The following RAB6C variants were observed in gnomAD, a reference collection of about 807,000 sequenced individuals.
RAB6C encodes the protein ras-related protein Rab-6C.
Under a neutral mutation model 17.2 loss-of-function variants are expected in RAB6C, and 8 were observed. That is an observed-to-expected ratio of 0.46 (90% confidence interval 0.27 to 0.84). The LOEUF (loss-of-function observed/expected upper bound fraction) is 0.84, where lower values mean the gene tolerates loss of function less well. RAB6C is among the 40% of genes least tolerant of loss of function. The pLI, the probability that RAB6C is intolerant of heterozygous loss-of-function variation, is 0.13. For missense variants in RAB6C, 151 were observed against 306.5 expected, an observed-to-expected ratio of 0.49 and a Z score of 3.79; for synonymous variants, 78 against 118.9, an observed-to-expected ratio of 0.66 and a Z score of 2.24.
In RAB6C at chr2:129,980,386, G is replaced by A; in HGVS notation, c.271G>A (p.Val91Ile). 1 of 1,612,936 alleles carries A rather than the reference G, an allele frequency of 6.2e-7. No individual in the cohort carries two copies. The highest frequency in any genetic ancestry group is 1.7e-5 in the Admixed American group (1 of 59,950). The change falls in exon 1 of 1, where the codon GTA becomes ATA. Residue 91 changes from valine to isoleucine, a missense_variant. Coordinates refer to ENST00000410061, the MANE Select transcript of RAB6C (RefSeq NM_032144.3). ...CATCCGTGATTCTGCTGCAGCTGTA[G>A]TAGTTTACGATATCACAAATGTTAA... is the stretch of plus-strand genomic sequence containing the variant. ...RYIRDSAAAV[V>I]VYDITNVNSF...
chr2:129,979,900 G>T lies in RAB6C; in HGVS notation c.-216G>T, dbSNP rs1032719777. 3.6e-6 allele frequency: 3 copies of T among 830,300 alleles called. No individual in the cohort carries two copies. Among genetic ancestry groups the T allele is most frequent in the Non-Finnish European group, 5.6e-6 (3 of 535,526 alleles). The allele number at this position is 830,300 out of a possible 1,614,324, so 51.4% of individuals were successfully genotyped here. On this transcript the variant is annotated 5_prime_UTR_variant, in exon 1 of 1. Transcript: ENST00000410061. ...CAGCCGCGGGCCTCGCTCCGTGCTCGGCTACTCTGCCGGGAGGCGGCGGCG... is the reference window on the plus strand; with the variant it reads ...CAGCCGCGGGCCTCGCTCCGTGCTCTGCTACTCTGCCGGGAGGCGGCGGCG...
Position 129,980,049 on chromosome 2 carries a change from C to T in RAB6C, c.-67C>T. On this transcript the variant is annotated 5_prime_UTR_variant, in exon 1 of 1. Coordinates refer to ENST00000410061, the MANE Select transcript of RAB6C (RefSeq NM_032144.3). ...CCCTTCCGCTCGCCTTTTTCGTCAG[C>T]CGGCTGGAGGAGCATCGGTCCGGGA... 6.2e-7 allele frequency: 1 copy of T among 1,609,306 alleles called. No homozygotes were observed. The highest frequency in any genetic ancestry group is 8.5e-7 in the Non-Finnish European group (1 of 1,177,498).
rs1294880061 is a variant in RAB6C, at chr2:129,980,453, C to T, written c.338C>T (p.Thr113Ile). 1.2e-6 allele frequency: 2 copies of T among 1,613,672 alleles called. No homozygotes were observed. The highest frequency in any genetic ancestry group is 1.3e-5 in the African/African-American group (1 of 74,674). ...QTTKWIDDVRTERGSDVIITL... is the reference protein window; with the variant it reads ...QTTKWIDDVRIERGSDVIITL... Reference sequence around the variant, plus strand: ...ACAAAGTGGATTGATGATGTCAGAACAGAAAGAGGAAGTGATGTTATCATC... The same window carrying T: ...ACAAAGTGGATTGATGATGTCAGAATAGAAAGAGGAAGTGATGTTATCATC... The change falls in exon 1 of 1, where the codon ACA becomes ATA. Residue 113 changes from threonine to isoleucine, a missense_variant. By Grantham distance (89) the Thr-to-Ile change is moderately conservative (BLOSUM62 -1). This residue lies in a region of RAB6C where 136 missense variants were observed against 200.0 expected (regional missense o/e 0.68). Coordinates refer to ENST00000410061, the MANE Select transcript of RAB6C (RefSeq NM_032144.3).
In RAB6C at chr2:129,981,069, C is replaced by G; in HGVS notation, c.*189C>G. 3.3e-6 allele frequency: 2 copies of G among 599,924 alleles called. No individual in the cohort carries two copies. The highest frequency in any genetic ancestry group is 5.7e-5 in the East Asian group (2 of 35,172). 37.2% of individuals were successfully genotyped at this position (599,924 alleles called of 1,614,324 possible). A position where few individuals can be genotyped will look rare whatever the true frequency, so the allele number is the denominator to read the frequency against. On this transcript the variant is annotated 3_prime_UTR_variant, in exon 1 of 1. Transcript: ENST00000410061. Reference sequence around the variant, plus strand: ...GGAAATCTCAACAGTATGAGTATGGCTTGGTTAACGAGCAGTATGTTCACA... The same window carrying G: ...GGAAATCTCAACAGTATGAGTATGGGTTGGTTAACGAGCAGTATGTTCACA...
Position 129,979,818 on chromosome 2 carries a change from C to A in RAB6C, c.-298C>A, listed in dbSNP as rs1241871904. 3.6e-6 allele frequency: 2 copies of A among 559,562 alleles called. No homozygotes were observed. Among genetic ancestry groups the A allele is most frequent in the Admixed American group, 3.2e-5 (1 of 31,116 alleles). 34.7% of individuals were successfully genotyped at this position (559,562 alleles called of 1,614,324 possible). A position where few individuals can be genotyped will look rare whatever the true frequency, so the allele number is the denominator to read the frequency against. On this transcript the variant is annotated 5_prime_UTR_variant, in exon 1 of 1. Transcript: ENST00000410061. ...GTGCGGAAGGAGGGAACGGCCCTAG[C>A]CTTGGGAAGCCAAAGCACACCCCTG...
Position 129,981,206 on chromosome 2 carries a change from CA to C in RAB6C, c.*327del, listed in dbSNP as rs1414336330. On this transcript the variant is annotated 3_prime_UTR_variant, in exon 1 of 1. Coordinates refer to ENST00000410061, the MANE Select transcript of RAB6C (RefSeq NM_032144.3). ...TCAAAACAAACAAGAGATGGCAAAGCAGCAGTCCGACCAAGCCCACTGGAAT... is the reference window on the plus strand; with the variant it reads ...TCAAAACAAACAAGAGATGGCAAAGCGCAGTCCGACCAAGCCCACTGGAAT... 17 of 209,468 alleles carry C rather than the reference CA, an allele frequency of 8.1e-5. No homozygotes were observed. Among genetic ancestry groups the C allele is most frequent in the Middle Eastern group, 2.3e-3 (1 of 428 alleles). 13.0% of individuals were successfully genotyped at this position (209,468 alleles called of 1,614,324 possible). A position where few individuals can be genotyped will look rare whatever the true frequency, so the allele number is the denominator to read the frequency against.
rs1277887001 is a variant in RAB6C, at chr2:129,982,684, ACT to A, written c.*1807_*1808del. 1 of 166,938 alleles carries A rather than the reference ACT, an allele frequency of 6.0e-6. No individual in the cohort carries two copies. Among genetic ancestry groups the A allele is most frequent in the South Asian group, 2.1e-4 (1 of 4,810 alleles). The allele number at this position is 166,938 out of a possible 1,614,324, so 10.3% of individuals were successfully genotyped here. A position where few individuals can be genotyped will look rare whatever the true frequency, so the allele number is the denominator to read the frequency against. On this transcript the variant is annotated 3_prime_UTR_variant, in exon 1 of 1. Coordinates refer to ENST00000410061, the MANE Select transcript of RAB6C (RefSeq NM_032144.3). Reference sequence around the variant, plus strand: ...ATATAATTGCTAAAGGCAAGGGTTGACTCTTTGTTTTATTTTGACATGGCATG... The same window carrying A: ...ATATAATTGCTAAAGGCAAGGGTTGACTTTGTTTTATTTTGACATGGCATG...
In RAB6C at chr2:129,980,904, A is replaced by C; in HGVS notation, c.*24A>C. ...GATCTATTAGCTTCACAAGCACAAA[A>C]AAAGTCAGCGTCTTCATTATTTATA... On this transcript the variant is annotated 3_prime_UTR_variant, in exon 1 of 1. Transcript: ENST00000410061. 2 of 1,581,232 alleles carry C rather than the reference A, an allele frequency of 1.3e-6. No individual in the cohort carries two copies. The highest frequency in any genetic ancestry group is 1.7e-4 in the Middle Eastern group (1 of 5,892).
rs1409351725 is a variant in RAB6C at position 129,982,128 on chromosome 2, A to T, written c.*1248A>T. On this transcript the variant is annotated 3_prime_UTR_variant, in exon 1 of 1. Coordinates refer to ENST00000410061, the MANE Select transcript of RAB6C (RefSeq NM_032144.3). ...TACGATTAATATTTTTTCTTTGGCG[A>T]TATTTCTTTGCTTTTTTTTTTTTTA... The T allele has an allele frequency of 6.2e-6, 1 of 160,558 alleles. No individual in the cohort carries two copies. Among genetic ancestry groups the T allele is most frequent in the African/African-American group, 2.6e-5 (1 of 38,540 alleles). The allele number at this position is 160,558 out of a possible 1,614,324, so 9.9% of individuals were successfully genotyped here.
rs1296013007 is a variant in RAB6C at position 129,981,996 on chromosome 2, A to G, written c.*1116A>G. ...GGAAATAAAACTGAATATTATGCAG[A>G]TTTATGCCTTATTTTTTAGCATTTT... On this transcript the variant is annotated 3_prime_UTR_variant, in exon 1 of 1. Coordinates refer to ENST00000410061, the MANE Select transcript of RAB6C (RefSeq NM_032144.3). 6.0e-6 allele frequency: 1 copy of G among 167,080 alleles called. No individual in the cohort carries two copies. Among genetic ancestry groups the G allele is most frequent in the Admixed American group, 6.5e-5 (1 of 15,286 alleles). 10.3% of individuals were successfully genotyped at this position (167,080 alleles called of 1,614,324 possible).
At position 129,979,944 on chromosome 2, in the gene RAB6C, G is replaced by A. The variant is rs981369638; in HGVS notation, c.-172G>A. On this transcript the variant is annotated 5_prime_UTR_variant, in exon 1 of 1. Coordinates refer to ENST00000410061, the MANE Select transcript of RAB6C (RefSeq NM_032144.3). ...GGCGGCGGCTGCCAGTCTGTGGCGA[G>A]CCCTGCTGCCCTCCAGCCGGGCTCC... 1.6e-6 allele frequency: 2 copies of A among 1,217,888 alleles called. No homozygotes were observed. The highest frequency in any genetic ancestry group is 2.3e-6 in the Non-Finnish European group (2 of 887,798). 75.4% of individuals were successfully genotyped at this position (1,217,888 alleles called of 1,614,324 possible).
rs1681713045 is a variant in RAB6C, at chr2:129,979,904, A to T, written c.-212A>T. 1.1e-5 allele frequency: 9 copies of T among 850,136 alleles called. No homozygotes were observed. The highest frequency in any genetic ancestry group is 1.3e-5 in the Non-Finnish European group (7 of 553,728). 52.7% of individuals were successfully genotyped at this position (850,136 alleles called of 1,614,324 possible). On this transcript the variant is annotated 5_prime_UTR_variant, in exon 1 of 1. Transcript: ENST00000410061. Reference sequence around the variant, plus strand: ...CGCGGGCCTCGCTCCGTGCTCGGCTACTCTGCCGGGAGGCGGCGGCGGCTG... The same window carrying T: ...CGCGGGCCTCGCTCCGTGCTCGGCTTCTCTGCCGGGAGGCGGCGGCGGCTG...
rs201440216 is a variant in RAB6C, at chr2:129,980,647, G to C, written c.532G>C (p.Glu178Gln). Residue 178 changes from glutamate to glutamine, a missense_variant, in exon 1 of 1, where the codon GAA becomes CAA. Around this residue, in one of 2 missense-constraint regions of RAB6C, gnomAD observed 136 missense variants for 200.0 expected, o/e 0.68. Transcript: ENST00000410061. ...RRVAAALPGM[E>Q]STQDGSREDM... ...TGTAGCAGCAGCTTTGCCGGGAATG[G>C]AAAGCACACAGGACGGAAGCAGAGA... The C allele has an allele frequency of 6.4e-3, 10,376 of 1,612,354 alleles. 136 individuals carry two copies. The highest frequency in any genetic ancestry group is 0.047 in the Admixed American group (2,799 of 59,870).
Position 129,979,976 on chromosome 2 carries a change from C to T in RAB6C, c.-140C>T, listed in dbSNP as rs865826629. 252 of 1,313,988 alleles carry T rather than the reference C, an allele frequency of 1.9e-4. 3 individuals are homozygous for T. The highest frequency in any genetic ancestry group is 1.1e-3 in the Middle Eastern group (4 of 3,764). 81.4% of individuals were successfully genotyped at this position (1,313,988 alleles called of 1,614,324 possible). A position where few individuals can be genotyped will look rare whatever the true frequency, so the allele number is the denominator to read the frequency against. ...TGCCCTCCAGCCGGGCTCCTCCAGC[C>T]GGGCTCCTCCACCGGCCCTTGCAGG... On this transcript the variant is annotated 5_prime_UTR_variant, in exon 1 of 1. Coordinates refer to ENST00000410061, the MANE Select transcript of RAB6C (RefSeq NM_032144.3).
chr2:129,980,550 C>A lies in RAB6C; in HGVS notation c.435C>A (p.Ala145=). 1 of 1,614,060 alleles carries A rather than the reference C, an allele frequency of 6.2e-7. No individual in the cohort carries two copies. The highest frequency in any genetic ancestry group is 8.5e-7 in the Non-Finnish European group (1 of 1,180,032). ...QVSVEEGERK[A]KGLNVTFIET... ...CAGTTGAGGAGGGAGAGAGGAAAGC[C>A]AAAGGGCTGAATGTTACGTTTATTG... is the stretch of plus-strand genomic sequence containing the variant. Residue 145 remains alanine, a synonymous_variant, in exon 1 of 1, where the codon GCC becomes GCA. Transcript: ENST00000410061.
Position 129,979,914 on chromosome 2 carries a change from G to C in RAB6C, c.-202G>C. 8 of 933,958 alleles carry C rather than the reference G, an allele frequency of 8.6e-6. No individual in the cohort carries two copies. The highest frequency in any genetic ancestry group is 1.3e-5 in the Non-Finnish European group (8 of 629,872). 57.9% of individuals were successfully genotyped at this position (933,958 alleles called of 1,614,324 possible). ...GCTCCGTGCTCGGCTACTCTGCCGG[G>C]AGGCGGCGGCGGCTGCCAGTCTGTG... On this transcript the variant is annotated 5_prime_UTR_variant, in exon 1 of 1. Transcript: ENST00000410061.
rs1187140286 is a variant in RAB6C at position 129,980,913 on chromosome 2, C to T, written c.*33C>T. On this transcript the variant is annotated 3_prime_UTR_variant, in exon 1 of 1. Transcript: ENST00000410061. ...GCTTCACAAGCACAAAAAAAGTCAG[C>T]GTCTTCATTATTTATATTTTACAAA... 6.4e-7 allele frequency: 1 copy of T among 1,570,410 alleles called. No individual in the cohort carries two copies. The highest frequency in any genetic ancestry group is 1.4e-5 in the African/African-American group (1 of 72,924).
Position 129,980,516 on chromosome 2 carries a change from G to C in RAB6C, c.401G>C (p.Arg134Thr), listed in dbSNP as rs1339079190. 8 of 1,614,088 alleles carry C rather than the reference G, an allele frequency of 5.0e-6. No homozygotes were observed. Among genetic ancestry groups the C allele is most frequent in the Non-Finnish European group, 5.1e-6 (6 of 1,180,052 alleles). ...AATAGAACAGATCTTGCTGACAAGA[G>C]GCAAGTGTCAGTTGAGGAGGGAGAG... The part of the protein sequence containing the change: ...VGNRTDLADK[R>T]QVSVEEGERK... The change falls in exon 1 of 1, where the codon AGG becomes ACG. Residue 134 changes from arginine to threonine, a missense_variant. Physicochemically the swap from Arg to Thr is moderately conservative, Grantham distance 71 (BLOSUM62 -1). This residue lies in a region of RAB6C where 136 missense variants were observed against 200.0 expected (regional missense o/e 0.68). Transcript: ENST00000410061.
rs1681780528 is a variant in RAB6C at position 129,982,251 on chromosome 2, G to A, written c.*1371G>A. The A allele has an allele frequency of 6.0e-6, 1 of 166,740 alleles. No individual in the cohort carries two copies. The highest frequency in any genetic ancestry group is 1.9e-4 in the East Asian group (1 of 5,200). 10.3% of individuals were successfully genotyped at this position (166,740 alleles called of 1,614,324 possible). A position where few individuals can be genotyped will look rare whatever the true frequency, so the allele number is the denominator to read the frequency against. The stretch of plus-strand genomic sequence containing the variant: ...AACACTGCAAACAAATATACTAGGA[G>A]TGTGCCCTTTTAATCTTTACTAGTT... On this transcript the variant is annotated 3_prime_UTR_variant, in exon 1 of 1. Coordinates refer to ENST00000410061, the MANE Select transcript of RAB6C (RefSeq NM_032144.3).
Sources: gnomAD v4.1 joint callset for allele counts on GRCh38, gnomAD v4.1.1 for gene constraint, gnomAD v4.1.1 regional missense constraint, MANE v1.5 for transcripts, NCBI Gene and HGNC (gene_info 2026-07-23, HGNC 2026-07-21) for gene names.